Variants in EBF2 observed in about 807,000 individuals in gnomAD.
The protein encoded by EBF2 is transcription factor COE2.
EBF2 carries 21 observed loss-of-function variants against 72.8 expected under a neutral mutation model. The ratio of observed to expected loss-of-function variants is 0.29; its 90% CI spans 0.20 to 0.42. The LOEUF is 0.42. EBF2 is among the 10% of genes least tolerant of loss of function. EBF2 has a pLI of 1.00. For synonymous variants in EBF2, 299 were observed against 274.2 expected (o/e 1.09, Z -0.89); for missense variants, 637 against 731.2 (o/e 0.87, Z 1.49).
At chr8:26,013,570 C>T (rs1005247809) in intron 6 of EBF2, among the ~76,000 whole-genome samples, 16 of 152,244 alleles carry the variant, frequency 1.1e-4, no homozygotes, top group Admixed American at 7.2e-4. Context: ...CATCCCAACT[C>T]AGTACTTGGA....
At chr8:25,997,936 A>G (rs1804663894) in intron 6 of EBF2, among the ~76,000 whole-genome samples, 1 of 152,224 alleles carries the variant, frequency 6.6e-6, no homozygotes, top group Admixed American at 6.5e-5. Context: ...TCATAAATAA[A>G]AATATACATC....
intron 6 of EBF2, among the ~76,000 whole-genome samples, chr8:25,939,568 T>C (rs191057931): frequency 4.9e-4 from 75 of 152,292 alleles, no homozygotes; most frequent in African/African-American, 1.7e-3. Context: ...TGCTTATTGG[T>C]AAAATGGAAC....
At chr8:25,999,849 A>C (rs931933587) in intron 6 of EBF2, among the ~76,000 whole-genome samples, 1 of 151,900 alleles carries the variant, frequency 6.6e-6, no homozygotes, top group Admixed American at 6.6e-5. Context: ...GCCTCCCACT[A>C]AATTTCTCTA....
At position 26,045,026 on chromosome 8, in the gene EBF2, C is replaced by A. The variant is rs563192706; in HGVS notation, c.-167G>T. ...AAAAAAAAAGATAACCCGTCCTTTG[C>A]TTCACTGGCGAGGTGCGGACTGATG... On this transcript the variant is annotated 5_prime_UTR_variant, in exon 1 of 16. Coordinates refer to ENST00000520164, the MANE Select transcript of EBF2 (RefSeq NM_022659.4). 2.7e-4 allele frequency: 202 copies of A among 738,390 alleles called. 1 individual carries two copies. The African/African-American group carries it at 3.4e-3, about 12-fold the overall frequency. The allele number at this position is 738,390 out of a possible 1,614,324, so 45.7% of individuals were successfully genotyped here.
At chr8:25,878,860 T>G (rs1017397505) in intron 10 of EBF2, among the ~76,000 whole-genome samples, 2 of 152,158 alleles carry the variant, frequency 1.3e-5, no homozygotes, top group African/African-American at 4.8e-5. Flanking sequence ...CCCTTCCTTC[T>G]CAAAGGCAGT....
At chr8:26,005,451 T>TA in intron 6 of EBF2, among the ~76,000 whole-genome samples, 1 of 28,680 alleles carries the variant, frequency 3.5e-5, no homozygotes, top group Non-Finnish European at 7.2e-5. Context: ...TTATAAAATA[T>TA]ATTATATATT....
At chr8:25,933,188 TA>T (rs1803513286) in intron 6 of EBF2, among the ~76,000 whole-genome samples, 4 of 152,214 alleles carry the variant, frequency 2.6e-5, no homozygotes, top group Admixed American at 6.5e-5. Context: ...CTGTGACTGC[TA>T]AAAATGTCAA....
chr8:25,946,351 A>C (rs1803768696), intron 6 of EBF2, among the ~76,000 whole-genome samples: 1 of 152,192 alleles, frequency 6.6e-6, no homozygotes, highest in South Asian at 2.1e-4. Flanking sequence ...CGGTATCTCT[A>C]ATGCCTAGCA....
chr8:25,900,087 C>T (rs954127249), intron 7 of EBF2, among the ~76,000 whole-genome samples: 8 of 152,316 alleles, frequency 5.3e-5, no homozygotes, highest in Admixed American at 5.2e-4. Context: ...CCTGGGCTTG[C>T]ATGCAACCTG....
Position 26,040,955 on chromosome 8 carries a change from C to G in EBF2, c.336G>C (p.Gln112His). The change falls in exon 3 of 16, where the codon CAG becomes CAC. Residue 112 changes from glutamine to histidine, a missense_variant. Physicochemically the swap from Gln to His is conservative, Grantham distance 24. Around this residue, in one of 3 missense-constraint regions of EBF2, gnomAD observed 174 missense variants for 161.9 expected, o/e 1.07. Coordinates refer to ENST00000520164, the MANE Select transcript of EBF2 (RefSeq NM_022659.4). Reference sequence around the variant, plus strand: ...AGAGCTCACCGTTGCTGTAGAGGAGCTGTAACTTGTAGTGAGTGCCGTTGT... The same window carrying G: ...AGAGCTCACCGTTGCTGTAGAGGAGGTGTAACTTGTAGTGAGTGCCGTTGT... The part of the protein sequence containing the change: ...KTNNGTHYKL[Q>H]LLYSNGVRTE... 6.2e-7 allele frequency: 1 copy of G among 1,614,238 alleles called. No individual in the cohort carries two copies. The highest frequency in any genetic ancestry group is 8.5e-7 in the Non-Finnish European group (1 of 1,180,044).
intron 6 of EBF2, among the ~76,000 whole-genome samples, chr8:26,019,409 G>A (rs1260058446): frequency 6.6e-6 from 1 of 152,146 alleles, no homozygotes; most frequent in Admixed American, 6.5e-5. Flanking sequence ...TCCACAGACA[G>A]AATAGATCTC....
intron 6 of EBF2, among the ~76,000 whole-genome samples, chr8:25,951,536 T>C (rs186625441): frequency 5.8e-4 from 89 of 152,342 alleles, no homozygotes; most frequent in Admixed American, 1.3e-3. Context: ...TTAAATACTT[T>C]CCAAGTCATC....
At chr8:25,860,935 C>G in intron 13 of EBF2, 114 bp downstream of exon 13, 1 of 1,115,790 alleles carries the variant, frequency 9.0e-7, no homozygotes, top group Non-Finnish European at 1.3e-6. Context: ...ATTGTATTGC[C>G]TATCTGTGGA....
intron 10 of EBF2, among the ~76,000 whole-genome samples, chr8:25,873,213 A>G (rs559802030): frequency 6.6e-6 from 1 of 152,338 alleles, no homozygotes; most frequent in South Asian, 2.1e-4. Flanking sequence ...AGTTCCCAAC[A>G]CTAACAAATG....
chr8:25,871,807 G>A (rs920169007), intron 10 of EBF2, among the ~76,000 whole-genome samples: 6 of 152,076 alleles, frequency 3.9e-5, no homozygotes, highest in Non-Finnish European at 7.4e-5. Context: ...GATCTCATGT[G>A]CCATTTCTCA....
chr8:25,845,194 C>G (rs1027777974), intron 15 of EBF2, among the ~76,000 whole-genome samples: 1 of 151,976 alleles, frequency 6.6e-6, no homozygotes, highest in African/African-American at 2.4e-5. Context: ...TGCAAATGAA[C>G]ACTGATCACT....
At chr8:25,932,523 C>G (rs1310530935) in intron 6 of EBF2, among the ~76,000 whole-genome samples, 1 of 152,194 alleles carries the variant, frequency 6.6e-6, no homozygotes, top group Non-Finnish European at 1.5e-5. Context: ...TATTTTGACA[C>G]TTACCACTAC....
intron 6 of EBF2, among the ~76,000 whole-genome samples, chr8:26,015,117 C>T (rs1457252776): frequency 6.6e-6 from 1 of 152,106 alleles, no homozygotes; most frequent in African/African-American, 2.4e-5. Flanking sequence ...GAAACTTGGC[C>T]ATGTGACTTC....
intron 15 of EBF2, among the ~76,000 whole-genome samples, chr8:25,846,187 G>A (rs567253390): frequency 9.9e-5 from 15 of 152,224 alleles, no homozygotes; most frequent in African/African-American, 3.1e-4. Context: ...ATGACTTAGA[G>A]ATATAGCAAC....
Sources: gnomAD v4.1 joint callset for allele counts (sites outside exome capture counted in the v4.1 genomes callset) on GRCh38, gnomAD v4.1.1 for gene constraint, gnomAD v4.1.1 regional missense constraint, MANE v1.5 for transcripts, NCBI Gene and HGNC (gene_info 2026-07-23, HGNC 2026-07-21) for gene names.